The following UVRAG variants were observed in gnomAD, a reference collection of about 807,000 sequenced individuals.
UVRAG encodes UV radiation resistance associated.
Under a neutral mutation model 78.0 loss-of-function variants are expected in UVRAG, and 19 were observed. The observed-to-expected ratio is 0.24, with a 90% CI of 0.17 to 0.36. The LOEUF is 0.36. Ranked by LOEUF, UVRAG falls within the 10% of genes least tolerant of loss-of-function variation. The pLI is 1.00. For synonymous variants in UVRAG, 323 were observed against 324.6 expected, an observed-to-expected ratio of 1.00 and a Z score of 0.05; for missense variants, 740 against 853.8, an observed-to-expected ratio of 0.87 and a Z score of 1.66.
In UVRAG at chr11:76,086,049, C is replaced by T. The variant is rs148180129; in HGVS notation, c.1305+20261C>T. Among the ~76,000 whole-genome samples, 3 of 152,256 alleles carry T rather than the reference C, an allele frequency of 2.0e-5. No individual in the cohort carries two copies. The East Asian group carries it at 5.8e-4, about 29-fold the overall frequency. ...TGCAAAGTTCCATTCCCTCAGTAAGCAGATAGCTGACTAACTGAAGGGAAA... is the reference window on the plus strand; with the variant it reads ...TGCAAAGTTCCATTCCCTCAGTAAGTAGATAGCTGACTAACTGAAGGGAAA... On this transcript the variant is annotated intron_variant, in intron 13 of 14. Coordinates refer to ENST00000356136, the MANE Select transcript of UVRAG (RefSeq NM_003369.4).
chr11:76,005,950 A>C (rs1371912724), intron 9 of UVRAG, among the ~76,000 whole-genome samples: 1 of 152,250 alleles, frequency 6.6e-6, no homozygotes, highest in South Asian at 2.1e-4. Context: ...ATCTCCAGAC[A>C]CTGCCAGTCT....
intron 13 of UVRAG, among the ~76,000 whole-genome samples, chr11:76,090,593 T>C (rs1162500895): frequency 2.0e-5 from 3 of 152,218 alleles, no homozygotes; most frequent in Non-Finnish European, 2.9e-5. Context: ...CCTACCGTTA[T>C]AGGTTTTCAA....
intron 11 of UVRAG, among the ~76,000 whole-genome samples, 180 bp downstream of exon 11, chr11:76,009,047 A>T (rs1950002474): frequency 6.6e-6 from 1 of 152,170 alleles, no homozygotes; most frequent in Non-Finnish European, 1.5e-5. Flanking sequence ...CTGATCATAG[A>T]AAAATAATTA....
At chr11:76,013,667 G>A (rs1308123832) in intron 11 of UVRAG, among the ~76,000 whole-genome samples, 1 of 152,202 alleles carries the variant, frequency 6.6e-6, no homozygotes, top group African/African-American at 2.4e-5. Flanking sequence ...AACAGAATGT[G>A]ACATCTGAGG....
At chr11:75,934,449 A>C (rs2135117002) in intron 6 of UVRAG, among the ~76,000 whole-genome samples, 1 of 152,300 alleles carries the variant, frequency 6.6e-6, no homozygotes, top group African/African-American at 2.4e-5. Flanking sequence ...TAGTAAAAAC[A>C]AGATGACTAT....
intron 14 of UVRAG, among the ~76,000 whole-genome samples, chr11:76,139,424 C>G (rs1462905465): frequency 6.6e-6 from 1 of 152,222 alleles, no homozygotes; most frequent in African/African-American, 2.4e-5. Flanking sequence ...ACTGGTCTTG[C>G]ATCTGTCTCC....
intron 1 of UVRAG, among the ~76,000 whole-genome samples, chr11:75,816,343 T>C (rs1648194613): frequency 6.6e-6 from 1 of 152,226 alleles, no homozygotes. Flanking sequence ...CTTCCCTCCT[T>C]ATATCGGTTG....
At chr11:76,118,640 A>G (rs1952225906) in intron 14 of UVRAG, among the ~76,000 whole-genome samples, 2 of 152,136 alleles carry the variant, frequency 1.3e-5, no homozygotes, top group South Asian at 4.1e-4. Flanking sequence ...GTAACACTAC[A>G]TTTTTCTAAT....
chr11:76,018,552 G>A (rs536509000), intron 12 of UVRAG, among the ~76,000 whole-genome samples: 2 of 152,194 alleles, frequency 1.3e-5, no homozygotes, highest in Admixed American at 1.3e-4. Context: ...GGGAATACAG[G>A]CACGCACCAG....
At chr11:75,904,242 T>G (rs1226279680) in intron 5 of UVRAG, among the ~76,000 whole-genome samples, 1 of 152,190 alleles carries the variant, frequency 6.6e-6, no homozygotes, top group African/African-American at 2.4e-5. Flanking sequence ...AATTATCTAT[T>G]TCCCTGAGCA....
chr11:76,088,993 A>G (rs1169870021), intron 13 of UVRAG, among the ~76,000 whole-genome samples: 1 of 152,230 alleles, frequency 6.6e-6, no homozygotes, highest in Non-Finnish European at 1.5e-5. Flanking sequence ...AGCACATAAC[A>G]TGGACTCAGG....
At chr11:76,089,439 A>C (rs1014882366) in intron 13 of UVRAG, among the ~76,000 whole-genome samples, 4 of 152,198 alleles carry the variant, frequency 2.6e-5, no homozygotes, top group African/African-American at 9.6e-5. Context: ...GCTTATATGT[A>C]ATTCAGCTAG....
At chr11:75,964,249 G>A (rs144862575) in intron 7 of UVRAG, among the ~76,000 whole-genome samples, 356 of 152,290 alleles carry the variant, frequency 2.3e-3, no homozygotes, top group Non-Finnish European at 4.5e-3. Flanking sequence ...TCAGGGTGAC[G>A]TTGGCCGCAA....
intron 13 of UVRAG, among the ~76,000 whole-genome samples, chr11:76,104,920 A>G (rs1462182206): frequency 2.0e-5 from 3 of 152,216 alleles, no homozygotes; most frequent in Admixed American, 1.3e-4. Flanking sequence ...TGCACTTATA[A>G]TAATATTTTC....
At chr11:76,017,051 C>A in intron 12 of UVRAG, 71 bp downstream of exon 12, 1 of 1,149,544 alleles carries the variant, frequency 8.7e-7, no homozygotes, top group Non-Finnish European at 1.2e-6. Context: ...TAACAAAATA[C>A]ATAAAATGTA....
intron 14 of UVRAG, among the ~76,000 whole-genome samples, chr11:76,123,670 G>A (rs925137433): frequency 1.1e-4 from 16 of 152,120 alleles, no homozygotes; most frequent in African/African-American, 3.4e-4. Context: ...ATAACACAGA[G>A]GAAGGAGCAC....
intron 5 of UVRAG, among the ~76,000 whole-genome samples, chr11:75,903,520 G>A (rs1032965395): frequency 2.0e-5 from 3 of 152,164 alleles, no homozygotes; most frequent in African/African-American, 4.8e-5. Flanking sequence ...TTTTCCTGCT[G>A]TCATGCTTTG....
intron 13 of UVRAG, among the ~76,000 whole-genome samples, chr11:76,083,709 T>G (rs1420240485): frequency 3.9e-5 from 6 of 152,190 alleles, no homozygotes; most frequent in Non-Finnish European, 8.8e-5. Flanking sequence ...TTTTTTTAGA[T>G]TTAGTTCATA....
chr11:76,098,672 C>G (rs1951828109), intron 13 of UVRAG, among the ~76,000 whole-genome samples: 2 of 152,020 alleles, frequency 1.3e-5, no homozygotes, highest in African/African-American at 2.4e-5. Flanking sequence ...ATAATGTGCT[C>G]AAAGATGAAT....
Sources: allele counts gnomAD v4.1 joint callset (sites outside exome capture counted in the v4.1 genomes callset), GRCh38; gene constraint gnomAD v4.1.1; transcripts MANE v1.5; gene names NCBI Gene and HGNC (gene_info 2026-07-23, HGNC 2026-07-21).